Variants in MAST1 observed in about 807,000 individuals in gnomAD.
MAST1 encodes the protein microtubule associated serine/threonine kinase 1, also known as microtubule-associated serine/threonine-protein kinase 1.
In MAST1, 40 loss-of-function variants were observed where a neutral mutation model predicts 124.6. The ratio of observed to expected loss-of-function variants is 0.32; its 90% CI spans 0.25 to 0.42. The LOEUF (loss-of-function observed/expected upper bound fraction) is 0.42. Ranked by LOEUF, MAST1 falls within the 10% of genes least tolerant of loss-of-function variation. The pLI is 1.00. For missense variants in MAST1, 1,558 were observed against 2,181.9 expected (o/e 0.71, Z 5.70); for synonymous variants, 938 against 939.4 (o/e 1.00, Z 0.03).
At chr19:12,848,347 C>T (rs962795747) in intron 7 of MAST1, 10 of 369,686 alleles carry the variant, frequency 2.7e-5, no homozygotes, top group Non-Finnish European at 5.0e-5. Flanking sequence ...CGGCCGGGCT[C>T]GGTGGCTCAG....
chr19:12,870,685 G>A (rs1489935475), intron 22 of MAST1, 139 bp from the exon 23 acceptor site: 5 of 929,508 alleles, frequency 5.4e-6, no homozygotes, highest in Non-Finnish European at 7.6e-6. Context: ...AAAAATGTGG[G>A]GGGAGGAATA....
At chr19:12,868,329 G>C (rs1410996939) in intron 20 of MAST1, among the ~76,000 whole-genome samples, 1 of 151,666 alleles carries the variant, frequency 6.6e-6, no homozygotes, top group Non-Finnish European at 1.5e-5. Flanking sequence ...GGCTGGTCTC[G>C]AACTCCTGAC....
Position 12,843,706 on chromosome 19 carries a change from G to A in MAST1, c.327+99G>A. Reference sequence around the variant, plus strand: ...CAGGCCAGCAGTCCAGGCTGGGCTTGATGACAGTTTAGGGCCAGGCTCAGT... The same window carrying A: ...CAGGCCAGCAGTCCAGGCTGGGCTTAATGACAGTTTAGGGCCAGGCTCAGT... On this transcript the variant is annotated intron_variant, in intron 4 of 25. Transcript: ENST00000251472. This position sits in a 1 kb window ranked among gnomAD's most constrained non-coding sequence, Gnocchi z 4.9. 1 of 1,067,778 alleles carries A rather than the reference G, an allele frequency of 9.4e-7. No individual in the cohort carries two copies. Among genetic ancestry groups the A allele is most frequent in the South Asian group, 1.4e-5 (1 of 69,536 alleles). The allele number at this position is 1,067,778 out of a possible 1,614,324, so 66.1% of individuals were successfully genotyped here. A position where few individuals can be genotyped will look rare whatever the true frequency, so the allele number is the denominator to read the frequency against.
chr19:12,873,739 G>A lies in MAST1; in HGVS notation c.3582G>A (p.Ala1194=). The stretch of plus-strand genomic sequence containing the variant: ...AGCTCCATCGCCAGTACCGCTCTGC[G>A]CGATGCAAGTCGGCCGGCAACATCC... ...SPKLHRQYRS[A]RCKSAGNIPL... Residue 1194 remains alanine, a synonymous_variant, in exon 26 of 26, where the codon GCG becomes GCA. Coordinates refer to ENST00000251472, the MANE Select transcript of MAST1 (RefSeq NM_014975.3). 1 of 1,602,290 alleles carries A rather than the reference G, an allele frequency of 6.2e-7. No individual in the cohort carries two copies. Among genetic ancestry groups the A allele is most frequent in the Non-Finnish European group, 8.5e-7 (1 of 1,179,346 alleles).
At chr19:12,849,956 CCTGGCTAATTTTTGTATTTTTAGTCG>C (rs1568408995) in intron 7 of MAST1, among the ~76,000 whole-genome samples, 5 of 151,778 alleles carry the variant, frequency 3.3e-5, no homozygotes, top group Non-Finnish European at 4.4e-5. Flanking sequence ...CACCACCATG[CCTGGCTAATTTTTGTATTTTTAGTCG>C]AGGCAGGGTT....
At chr19:12,870,304 A>G (rs1408157691) in intron 22 of MAST1, among the ~76,000 whole-genome samples, 4 of 151,620 alleles carry the variant, frequency 2.6e-5, no homozygotes, top group African/African-American at 9.7e-5. Context: ...CCTGACCAAC[A>G]TGGTGAAACC....
chr19:12,873,299 G>A (rs1272714028), intron 24 of MAST1, 25 bp from the exon 25 acceptor site: 1 of 1,603,928 alleles, frequency 6.2e-7, no homozygotes. Flanking sequence ...GGTCAAGGAC[G>A]CTTGGCCCCC....
Position 12,873,755 on chromosome 19 carries a change from G to A in MAST1, c.3598G>A (p.Gly1200Ser), listed in dbSNP as rs1970272300. 2.5e-6 allele frequency: 4 copies of A among 1,601,400 alleles called. No homozygotes were observed. The highest frequency in any genetic ancestry group is 3.3e-5 in the Admixed American group (2 of 59,796). Reference sequence around the variant, plus strand: ...CCGCTCTGCGCGATGCAAGTCGGCCGGCAACATCCCTCTATCGCCGCTGGC... The same window carrying A: ...CCGCTCTGCGCGATGCAAGTCGGCCAGCAACATCCCTCTATCGCCGCTGGC... ...QYRSARCKSAGNIPLSPLAHT... is the reference protein window; with the variant it reads ...QYRSARCKSASNIPLSPLAHT... Residue 1200 changes from glycine to serine, a missense_variant, in exon 26 of 26, where the codon GGC becomes AGC. Physicochemically the swap from Gly to Ser is moderately conservative, Grantham distance 56. Transcript: ENST00000251472.
chr19:12,869,055 T>C lies in MAST1; in HGVS notation c.2774-11T>C. ...TGGTTCTGATTTCTGACCATGGTTG[T>C]GTGTCTGTAGTGGACCCACATGGAA... On this transcript the variant is annotated splice_polypyrimidine_tract_variant and intron_variant, in intron 21 of 25. Transcript: ENST00000251472. 6.2e-7 allele frequency: 1 copy of C among 1,612,560 alleles called. No individual in the cohort carries two copies. Among genetic ancestry groups the C allele is most frequent in the Non-Finnish European group, 8.5e-7 (1 of 1,178,556 alleles).
chr19:12,847,734 C>A lies in MAST1; in HGVS notation c.564+47C>A. 2 of 1,602,402 alleles carry A rather than the reference C, an allele frequency of 1.2e-6. No individual in the cohort carries two copies. Among genetic ancestry groups the A allele is most frequent in the South Asian group, 2.2e-5 (2 of 90,760 alleles). ...TCACGGGGTGACCAGGCGGCCTGCA[C>A]TCTCGCTCGCCTTATCCCCGCGCGC... On this transcript the variant is annotated intron_variant, in intron 6 of 25. Transcript: ENST00000251472. The surrounding 1 kb of genome is among the most constrained non-coding windows in gnomAD (Gnocchi z 5.5).
intron 7 of MAST1, among the ~76,000 whole-genome samples, 172 bp from the exon 8 acceptor site, chr19:12,851,762 A>T (rs1452453535): frequency 6.6e-6 from 1 of 152,218 alleles, no homozygotes; most frequent in Non-Finnish European, 1.5e-5. Context: ...CTGGGATTAC[A>T]GGCATGAGCC....
chr19:12,863,349 A>T (rs1364655644), intron 12 of MAST1, among the ~76,000 whole-genome samples: 1 of 151,956 alleles, frequency 6.6e-6, no homozygotes, highest in African/African-American at 2.4e-5. Flanking sequence ...TGCACAATAG[A>T]TGTGCTCAAA....
chr19:12,838,703 C>T lies in MAST1; in HGVS notation c.83+48C>T. 6.4e-7 allele frequency: 1 copy of T among 1,562,748 alleles called. No individual in the cohort carries two copies. The highest frequency in any genetic ancestry group is 1.1e-5 in the South Asian group (1 of 89,108). ...ATTGTCCCGGCCCTCCCCGCAAAAG[C>T]CGCCGCTCCGGGTACTGCTGCAGGG... On this transcript the variant is annotated intron_variant, in intron 1 of 25. Coordinates refer to ENST00000251472, the MANE Select transcript of MAST1 (RefSeq NM_014975.3). The surrounding 1 kb of genome is among the most constrained non-coding windows in gnomAD (Gnocchi z 4.3).
chr19:12,868,819 G>T lies in MAST1; in HGVS notation c.2743G>T (p.Ala915Ser), dbSNP rs1003179614. ...GGGCAAAGTCATCAAATCAGCCTCA[G>T]CCACTGCCTTATCTGTCATGATTCC... ...TGGKVIKSAS[A>S]TALSVMIPAV... Residue 915 changes from alanine (A) to serine (S), a missense_variant, in exon 21 of 26, where the codon GCC (alanine) becomes TCC (serine). Around this residue, in one of 10 missense-constraint regions of MAST1, gnomAD observed 291 missense variants for 475.8 expected, o/e 0.61. Coordinates refer to ENST00000251472, the MANE Select transcript of MAST1 (RefSeq NM_014975.3). 2.5e-5 allele frequency: 40 copies of T among 1,596,656 alleles called. No homozygotes were observed. Among genetic ancestry groups the T allele is most frequent in the Non-Finnish European group, 3.2e-5 (37 of 1,170,072 alleles).
chr19:12,860,728 T>G (rs907871107), intron 12 of MAST1, among the ~76,000 whole-genome samples: 1 of 152,066 alleles, frequency 6.6e-6, no homozygotes, highest in Non-Finnish European at 1.5e-5. Context: ...ATTACAGGCG[T>G]GAGCCATAGC....
chr19:12,859,548 G>A (rs893179447), intron 12 of MAST1, among the ~76,000 whole-genome samples: 2 of 151,766 alleles, frequency 1.3e-5, no homozygotes, highest in African/African-American at 2.4e-5. Context: ...CACCACACTC[G>A]GCTAATTTTT....
chr19:12,865,702 C>A lies in MAST1; in HGVS notation c.1805-15C>A. On this transcript the variant is annotated splice_polypyrimidine_tract_variant and intron_variant, in intron 15 of 25. Transcript: ENST00000251472. This position sits in a 1 kb window ranked among gnomAD's most constrained non-coding sequence, Gnocchi z 7.1. ...AACAACAAAAACCGCCCCTAAGTTC[C>A]GTTTTGTTTTGCAGATGACATCCTG... 2 of 1,596,746 alleles carry A rather than the reference C, an allele frequency of 1.3e-6. No homozygotes were observed. Among genetic ancestry groups the A allele is most frequent in the Non-Finnish European group, 1.7e-6 (2 of 1,170,220 alleles).
At position 12,866,151 on chromosome 19, in the gene MAST1, A is replaced by T. The variant is rs1970150564; in HGVS notation, c.2029+49A>T. 2 of 1,610,176 alleles carry T rather than the reference A, an allele frequency of 1.2e-6. No homozygotes were observed. Among genetic ancestry groups the T allele is most frequent in the South Asian group, 1.1e-5 (1 of 90,838 alleles). On this transcript the variant is annotated intron_variant, in intron 17 of 25. Coordinates refer to ENST00000251472, the MANE Select transcript of MAST1 (RefSeq NM_014975.3). This position sits in a 1 kb window ranked among gnomAD's most constrained non-coding sequence, Gnocchi z 5.2. Reference sequence around the variant, plus strand: ...CCTGGGTCGAGGGGTGGGATCCGGGAAGAGGGACCCTGGGGTAAGTAAAGC... The same window carrying T: ...CCTGGGTCGAGGGGTGGGATCCGGGTAGAGGGACCCTGGGGTAAGTAAAGC...
chr19:12,868,795 G>A lies in MAST1; in HGVS notation c.2719G>A (p.Gly907Ser). Residue 907 changes from glycine (G) to serine (S), a missense_variant, in exon 21 of 26, where the codon GGC (glycine) becomes AGC (serine). Transcript: ENST00000251472. The stretch of plus-strand genomic sequence containing the variant: ...AGAGAAGAGGCCTTCTCGAACTGGG[G>A]GCAAAGTCATCAAATCAGCCTCAGC... ...AVEKRPSRTG[G>S]KVIKSASATA... is the part of the protein sequence containing the mutation. 2.5e-6 allele frequency: 4 copies of A among 1,606,786 alleles called. No homozygotes were observed. Among genetic ancestry groups the A allele is most frequent in the Non-Finnish European group, 3.4e-6 (4 of 1,175,650 alleles).
Sources: gnomAD v4.1 joint callset for allele counts (sites outside exome capture counted in the v4.1 genomes callset) on GRCh38, gnomAD v4.1.1 for gene constraint, gnomAD v4.1.1 regional missense constraint, Gnocchi (gnomAD v3.1) non-coding constraint, MANE v1.5 for transcripts, NCBI Gene and HGNC (gene_info 2026-07-23, HGNC 2026-07-21) for gene names.